Variants in RBFOX1 observed in about 807,000 individuals in gnomAD.
RBFOX1 encodes RNA binding protein fox-1 homolog 1.
Under a neutral mutation model 57.7 loss-of-function variants are expected in RBFOX1, and 8 were observed. The ratio of observed to expected loss-of-function variants is 0.14; its 90% confidence interval spans 0.08 to 0.25. The LOEUF (loss-of-function observed/expected upper bound fraction) is 0.25. RBFOX1 is among the 10% of genes least tolerant of loss of function. The pLI is 1.00. For synonymous variants in RBFOX1, 326 were observed against 222.4 expected (o/e 1.47, Z -4.15); for missense variants, 611 against 548.5 (o/e 1.11, Z -1.14).
intron 3 of RBFOX1, among the ~76,000 whole-genome samples, chr16:6,932,873 C>G (rs1318221612): frequency 6.6e-6 from 1 of 152,206 alleles, no homozygotes; most frequent in South Asian, 2.1e-4. Flanking sequence ...AACTGAAACT[C>G]TATATCCATT....
rs895432407 is a variant in RBFOX1, at chr16:7,270,574, A to T, written c.27+218476A>T. Among the ~76,000 whole-genome samples, 3 of 152,204 alleles carry T rather than the reference A, an allele frequency of 2.0e-5. No homozygotes were observed. In the East Asian group the frequency reaches 5.8e-4, roughly 29 times the overall value. ...GGCTCACTGCTGGCCCACAGACTAG[A>T]ATCATATTTATTCCTATGAGATAAA... On this transcript the variant is annotated intron_variant, in intron 4 of 15. Transcript: ENST00000550418.
intron 4 of RBFOX1, among the ~76,000 whole-genome samples, chr16:7,117,035 A>G (rs544152675): frequency 1.3e-5 from 2 of 152,292 alleles, no homozygotes; most frequent in South Asian, 4.1e-4. Flanking sequence ...AGTGAAGACA[A>G]GAGGGGACAG....
intron 1 of RBFOX1, among the ~76,000 whole-genome samples, chr16:6,182,047 G>A (rs1224866189): frequency 6.6e-6 from 1 of 152,318 alleles, no homozygotes; most frequent in African/African-American, 2.4e-5. Context: ...ATACAAGGAA[G>A]ACTGGGAAAT....
chr16:7,251,153 TCCCCAACCCTCACCAA>T (rs2094486735), intron 4 of RBFOX1, among the ~76,000 whole-genome samples: 1 of 152,062 alleles, frequency 6.6e-6, no homozygotes, highest in African/African-American at 2.4e-5. Context: ...CACCAACATC[TCCCCAACCCTCACCAA>T]CCCCAATCCC....
intron 2 of RBFOX1, among the ~76,000 whole-genome samples, chr16:5,560,287 CTCCTCCAGGAAGCACTTAGTCACT>C (rs994323644): frequency 4.0e-5 from 6 of 151,778 alleles, no homozygotes; most frequent in African/African-American, 7.3e-5. Context: ...ACTTAGTCAC[CTCCTCCAGGAAGCACTTAGTCACT>C]TCCTCCAGGA....
intron 4 of RBFOX1, among the ~76,000 whole-genome samples, chr16:7,269,376 C>T (rs1356284217): frequency 3.3e-5 from 5 of 152,130 alleles, no homozygotes; most frequent in Non-Finnish European, 7.3e-5. Context: ...CCATTAGCTG[C>T]TCATCACCCC....
chr16:6,270,019 C>A (rs923463881), intron 1 of RBFOX1, among the ~76,000 whole-genome samples: 2 of 152,006 alleles, frequency 1.3e-5, no homozygotes, highest in African/African-American at 4.8e-5. Context: ...TAGCACCAGG[C>A]TGTGACAAGT....
rs186038898 is a variant in RBFOX1 at position 6,974,496 on chromosome 16, C to T, written c.-15-77561C>T. Among the ~76,000 whole-genome samples, 374 of 151,872 alleles carry T rather than the reference C, an allele frequency of 2.5e-3. 2 individuals are homozygous for T. The highest frequency in any genetic ancestry group is 4.3e-3 in the Non-Finnish European group (290 of 67,928). On this transcript the variant is annotated intron_variant, in intron 3 of 15. Transcript: ENST00000550418. ...AGTAGCTGAGATAACAGGTGCGTGCCACCACGCCCAGCTAATTGTTGAATT... is the reference window on the plus strand; with the variant it reads ...AGTAGCTGAGATAACAGGTGCGTGCTACCACGCCCAGCTAATTGTTGAATT...
At chr16:5,729,044 C>T (rs1252813672) in intron 3 of RBFOX1, among the ~76,000 whole-genome samples, 1 of 152,200 alleles carries the variant, frequency 6.6e-6, no homozygotes, top group Non-Finnish European at 1.5e-5. Flanking sequence ...ACTCTCAGGT[C>T]CAACTGCAGG....
At chr16:7,523,027 C>G (rs1002764427) in intron 5 of RBFOX1, among the ~76,000 whole-genome samples, 1 of 152,170 alleles carries the variant, frequency 6.6e-6, no homozygotes, top group Non-Finnish European at 1.5e-5. Context: ...ACCAGTGGGT[C>G]TGCTTCTTTT....
intron 2 of RBFOX1, among the ~76,000 whole-genome samples, chr16:5,581,049 G>A (rs915926977): frequency 2.0e-5 from 3 of 152,188 alleles, no homozygotes; most frequent in Admixed American, 6.5e-5. Flanking sequence ...TTAATGAACC[G>A]GAAAGCGTTG....
intron 3 of RBFOX1, among the ~76,000 whole-genome samples, chr16:5,718,362 C>G (rs923192753): frequency 1.7e-4 from 26 of 152,196 alleles, no homozygotes; most frequent in African/African-American, 5.8e-4. Context: ...CCAATCTCCA[C>G]CTGACCCACA....
At chr16:6,872,624 A>C (rs1234455277) in intron 3 of RBFOX1, among the ~76,000 whole-genome samples, 1 of 152,194 alleles carries the variant, frequency 6.6e-6, no homozygotes, top group African/African-American at 2.4e-5. Flanking sequence ...ACTACTTTGA[A>C]TATTCCTGCA....
At chr16:5,551,959 A>G (rs2045482997) in intron 2 of RBFOX1, among the ~76,000 whole-genome samples, 1 of 152,194 alleles carries the variant, frequency 6.6e-6, no homozygotes, top group South Asian at 2.1e-4. Context: ...GTCCCTGCAA[A>G]GGACATGAAC....
chr16:7,050,195 T>A (rs1430620232), intron 3 of RBFOX1, among the ~76,000 whole-genome samples: 1 of 151,776 alleles, frequency 6.6e-6, no homozygotes, highest in African/African-American at 2.4e-5. Flanking sequence ...CCAGTTTCTT[T>A]TTTAATTTTT....
chr16:6,183,390 T>G (rs1598152203), intron 1 of RBFOX1, among the ~76,000 whole-genome samples: 2 of 151,602 alleles, frequency 1.3e-5, no homozygotes, highest in Non-Finnish European at 2.9e-5. Flanking sequence ...TGAGGCAGGA[T>G]AATAGCTTGA....
At chr16:7,301,389 AT>A (rs1348905826) in intron 4 of RBFOX1, among the ~76,000 whole-genome samples, 1 of 152,136 alleles carries the variant, frequency 6.6e-6, no homozygotes, top group Non-Finnish European at 1.5e-5. Context: ...TTTGATGTGG[AT>A]TTAGGTCTGG....
chr16:5,248,269 T>G (rs1468346028), intron 1 of RBFOX1, among the ~76,000 whole-genome samples: 1 of 152,278 alleles, frequency 6.6e-6, no homozygotes, highest in Non-Finnish European at 1.5e-5. Flanking sequence ...TTTAAGTGTT[T>G]GCCTCAAAAG....
At chr16:6,976,680 TATC>T (rs1449640145) in intron 3 of RBFOX1, among the ~76,000 whole-genome samples, 4 of 149,280 alleles carry the variant, frequency 2.7e-5, no homozygotes, top group African/African-American at 7.3e-5. Flanking sequence ...ATATCATATA[TATC>T]ATACCTATAG....
Sources: allele counts gnomAD v4.1 joint callset (sites outside exome capture counted in the v4.1 genomes callset), GRCh38; gene constraint gnomAD v4.1.1; transcripts MANE v1.5; gene names NCBI Gene and HGNC (gene_info 2026-07-23, HGNC 2026-07-21).